Variants in MYO3B observed in about 807,000 individuals in gnomAD.
MYO3B encodes myosin-IIIb.
A neutral mutation model predicts 174.6 loss-of-function variants in MYO3B; 156 were observed. The ratio of observed to expected loss-of-function variants is 0.89; its 90% confidence interval spans 0.78 to 1.02. MYO3B has a LOEUF of 1.02. MYO3B is among the 50% of genes least tolerant of loss of function. MYO3B has a pLI of 0.00. For missense variants in MYO3B, 1,632 were observed against 1,639.4 expected, an observed-to-expected ratio of 1.00 and a Z score of 0.08; for synonymous variants, 563 against 569.1, an observed-to-expected ratio of 0.99 and a Z score of 0.15.
intron 32 of MYO3B, among the ~76,000 whole-genome samples, chr2:170,578,657 A>T (rs1475458720): frequency 6.6e-6 from 1 of 152,248 alleles, no homozygotes; most frequent in African/African-American, 2.4e-5. Flanking sequence ...TATTCACTGC[A>T]TTATCCACAG....
chr2:170,584,492 A>G lies in MYO3B; in HGVS notation c.3733+40504A>G, dbSNP rs915696094. 6.6e-5 allele frequency among the ~76,000 whole-genome samples: 10 copies of G among 152,234 alleles called. 1 individual carries two copies. The highest frequency in any genetic ancestry group is 2.4e-4 in the African/African-American group (10 of 41,464). ...GGGCAGATATAAATTAATGTGGAAA[A>G]TGTATTGCTTGTCATTCCTTTAAGA... On this transcript the variant is annotated intron_variant, in intron 32 of 34. Coordinates refer to ENST00000408978, the MANE Select transcript of MYO3B (RefSeq NM_138995.5).
At chr2:170,361,307 G>A (rs2094159125) in intron 8 of MYO3B, among the ~76,000 whole-genome samples, 1 of 152,192 alleles carries the variant, frequency 6.6e-6, no homozygotes, top group Non-Finnish European at 1.5e-5. Context: ...GTTTATCTGT[G>A]CCCTGACTGT....
chr2:170,238,115 A>T (rs958722890), intron 7 of MYO3B, among the ~76,000 whole-genome samples: 6 of 152,218 alleles, frequency 3.9e-5, no homozygotes, highest in African/African-American at 1.4e-4. Context: ...TATTTACTTT[A>T]AAATTACTCT....
chr2:170,352,420 T>C (rs2094081098), intron 8 of MYO3B, among the ~76,000 whole-genome samples: 1 of 152,120 alleles, frequency 6.6e-6, no homozygotes, highest in South Asian at 2.1e-4. Context: ...GAAAATTTAA[T>C]CAATCTAACA....
intron 30 of MYO3B, among the ~76,000 whole-genome samples, chr2:170,540,168 A>C (rs1689991152): frequency 6.6e-6 from 1 of 152,208 alleles, no homozygotes; most frequent in South Asian, 2.1e-4. Context: ...CAAATAATAA[A>C]AAATTAGCCA....
chr2:170,517,361 T>A (rs1258635981), intron 29 of MYO3B, among the ~76,000 whole-genome samples: 1 of 152,234 alleles, frequency 6.6e-6, no homozygotes, highest in East Asian at 1.9e-4. Context: ...GGGCATTTGC[T>A]GAACCAGGTA....
At chr2:170,179,315 C>T (rs956100252) in intron 1 of MYO3B, among the ~76,000 whole-genome samples, 5 of 152,170 alleles carry the variant, frequency 3.3e-5, no homozygotes, top group African/African-American at 1.2e-4. Context: ...GACATTTGAG[C>T]TATACTTGAA....
chr2:170,184,856 G>T (rs1216071104), intron 1 of MYO3B, among the ~76,000 whole-genome samples: 1 of 151,984 alleles, frequency 6.6e-6, no homozygotes, highest in African/African-American at 2.4e-5. Flanking sequence ...ATTTGTTATT[G>T]CTTAGTTTTT....
intron 14 of MYO3B, among the ~76,000 whole-genome samples, chr2:170,391,026 G>A (rs2094408362): frequency 6.6e-6 from 1 of 152,088 alleles, no homozygotes; most frequent in South Asian, 2.1e-4. Context: ...ACTAATGAAT[G>A]ACATTTTGAG....
intron 32 of MYO3B, among the ~76,000 whole-genome samples, chr2:170,635,910 C>A (rs1697425352): frequency 2.0e-5 from 3 of 152,138 alleles, no homozygotes; most frequent in Non-Finnish European, 4.4e-5. Context: ...TTTCCTTGTA[C>A]AAATTACCTT....
At chr2:170,184,368 C>T (rs532467361) in intron 1 of MYO3B, among the ~76,000 whole-genome samples, 2 of 152,122 alleles carry the variant, frequency 1.3e-5, no homozygotes. Flanking sequence ...TGGTAACTAT[C>T]CTTCTACTCT....
At chr2:170,334,388 T>A (rs2093933021) in intron 7 of MYO3B, 1 of 152,324 alleles carries the variant, frequency 6.6e-6, no homozygotes, top group African/African-American at 2.4e-5. Context: ...ATCTGATGTA[T>A]ATTTATTTCT....
chr2:170,557,375 G>A (rs1330841681), intron 32 of MYO3B, among the ~76,000 whole-genome samples: 2 of 151,854 alleles, frequency 1.3e-5, no homozygotes, highest in Non-Finnish European at 2.9e-5. Flanking sequence ...TCCTGACCTC[G>A]TGATCCGCCC....
At chr2:170,299,086 A>G (rs527946804) in intron 7 of MYO3B, among the ~76,000 whole-genome samples, 37 of 152,310 alleles carry the variant, frequency 2.4e-4, no homozygotes, top group African/African-American at 7.9e-4. Context: ...CTCAGAATGT[A>G]TGCCTATCTT....
intron 32 of MYO3B, among the ~76,000 whole-genome samples, chr2:170,585,784 G>A (rs552756906): frequency 6.6e-6 from 1 of 152,298 alleles, no homozygotes; most frequent in Admixed American, 6.5e-5. Flanking sequence ...AGGCGTGGTG[G>A]CTCACGCCTG....
At chr2:170,289,977 T>A (rs1234754492) in intron 7 of MYO3B, among the ~76,000 whole-genome samples, 1 of 152,146 alleles carries the variant, frequency 6.6e-6, no homozygotes, top group Admixed American at 6.6e-5. Context: ...GAACACATTG[T>A]TTAATTTGTA....
intron 32 of MYO3B, among the ~76,000 whole-genome samples, chr2:170,564,614 C>T (rs535625472): frequency 6.6e-6 from 1 of 152,080 alleles, no homozygotes; most frequent in South Asian, 2.1e-4. Flanking sequence ...GCATGCTGAT[C>T]GAAGTATAAA....
chr2:170,379,286 C>T (rs1438471715), intron 9 of MYO3B, among the ~76,000 whole-genome samples: 2 of 151,364 alleles, frequency 1.3e-5, no homozygotes, highest in Middle Eastern at 3.4e-3. Context: ...CCTCTGCCTC[C>T]CGGGTTCAAG....
intron 7 of MYO3B, among the ~76,000 whole-genome samples, chr2:170,256,146 C>T (rs1180773889): frequency 2.0e-5 from 3 of 152,082 alleles, no homozygotes; most frequent in Admixed American, 1.3e-4. Context: ...CTAAAGAGAC[C>T]AAACCTATGA....
Sources: gnomAD v4.1 joint callset for allele counts (sites outside exome capture counted in the v4.1 genomes callset) on GRCh38, gnomAD v4.1.1 for gene constraint, MANE v1.5 for transcripts, NCBI Gene and HGNC (gene_info 2026-07-23, HGNC 2026-07-21) for gene names.